SRGN: variants seen among roughly 807,000 people sequenced by gnomAD.
The protein encoded by SRGN is hematopoetic proteoglycan core peptide.
Under a neutral mutation model 9.5 loss-of-function variants are expected in SRGN, and 2 were observed. The ratio of observed to expected loss-of-function variants is 0.21; its 90% CI spans 0.09 to 0.66. SRGN has a LOEUF of 0.66. Among genes scored for constraint, SRGN ranks in the 30% least tolerant of loss-of-function variants. SRGN has a pLI of 0.83. For synonymous variants in SRGN, 59 were observed against 72.3 expected (o/e 0.82, Z 0.93); for missense variants, 170 against 192.4 (o/e 0.88, Z 0.69).
chr10:69,104,148 G>T lies in SRGN; in HGVS notation c.*28G>T, dbSNP rs1840350697. ...GAGGATTTTCCCACCTTGACACCAG[G>T]CAATGTAGTTAGCATATTTTATGTA... On this transcript the variant is annotated 3_prime_UTR_variant, in exon 3 of 3. Transcript: ENST00000242465. 1 of 1,606,014 alleles carries T rather than the reference G, an allele frequency of 6.2e-7. No individual in the cohort carries two copies.
chr10:69,090,979 G>T (rs947979366), intron 1 of SRGN, among the ~76,000 whole-genome samples: 1 of 152,092 alleles, frequency 6.6e-6, no homozygotes, highest in Non-Finnish European at 1.5e-5. Context: ...GGCCAGGCCC[G>T]CCATGTGTCC....
At chr10:69,103,722 A>T (rs967843681) in intron 2 of SRGN, 149 bp from the exon 3 acceptor site, 1 of 896,856 alleles carries the variant, frequency 1.1e-6, no homozygotes, top group Non-Finnish European at 1.6e-6. Flanking sequence ...TGATTTTAAA[A>T]CATTGAATAA....
intron 2 of SRGN, among the ~76,000 whole-genome samples, chr10:69,101,200 A>C (rs775467606): frequency 2.0e-5 from 3 of 151,890 alleles, no homozygotes; most frequent in African/African-American, 7.3e-5. Flanking sequence ...TCTGACCCCA[A>C]ATGATCTGCC....
At chr10:69,102,610 T>A (rs1840316662) in intron 2 of SRGN, among the ~76,000 whole-genome samples, 1 of 152,312 alleles carries the variant, frequency 6.6e-6, no homozygotes, top group Admixed American at 6.5e-5. Flanking sequence ...TCTCTGATGC[T>A]TTGTTGCCCT....
chr10:69,097,476 G>C (rs1266782066), intron 2 of SRGN, among the ~76,000 whole-genome samples: 1 of 145,158 alleles, frequency 6.9e-6, no homozygotes, highest in Non-Finnish European at 1.5e-5. Context: ...GCTCAGGCTG[G>C]AGTGCAGTGG....
At position 69,098,164 on chromosome 10, in the gene SRGN, C is replaced by A. The variant is rs368024092; in HGVS notation, c.227+933C>A. 5.3e-5 allele frequency among the ~76,000 whole-genome samples: 8 copies of A among 151,976 alleles called. No individual in the cohort carries two copies. In the East Asian group the frequency reaches 1.5e-3, roughly 29 times the overall value. The stretch of plus-strand genomic sequence containing the variant: ...GTTTTATTTGTGTAAACAGAACACA[C>A]TATATATAAAAATCCAATAATTAAC... On this transcript the variant is annotated intron_variant, in intron 2 of 2. Coordinates refer to ENST00000242465, the MANE Select transcript of SRGN (RefSeq NM_002727.4).
chr10:69,093,615 C>T (rs1445535284), intron 1 of SRGN, among the ~76,000 whole-genome samples: 1 of 152,150 alleles, frequency 6.6e-6, no homozygotes, highest in African/African-American at 2.4e-5. Context: ...CGGTGGCTCA[C>T]GCCTATAATC....
upstream of SRGN, among the ~76,000 whole-genome samples, chr10:69,087,919 G>T (rs146952463): frequency 1.5e-4 from 23 of 152,120 alleles, no homozygotes; most frequent in African/African-American, 5.3e-4. Context: ...AAGCAGGCCT[G>T]GGGGGAGTCC....
chr10:69,104,161 C>T lies in SRGN; in HGVS notation c.*41C>T, dbSNP rs2132163099. The T allele has an allele frequency of 6.3e-7, 1 of 1,596,014 alleles. No individual in the cohort carries two copies. The highest frequency in any genetic ancestry group is 8.6e-7 in the Non-Finnish European group (1 of 1,167,600). On this transcript the variant is annotated 3_prime_UTR_variant, in exon 3 of 3. Transcript: ENST00000242465. ...CCTTGACACCAGGCAATGTAGTTAGCATATTTTATGTACCATGGTTATATG... is the reference window on the plus strand; with the variant it reads ...CCTTGACACCAGGCAATGTAGTTAGTATATTTTATGTACCATGGTTATATG...
At position 69,104,089 on chromosome 10, in the gene SRGN, A is replaced by G; in HGVS notation, c.446A>G (p.Gln149Arg). Residue 149 changes from glutamine to arginine, a missense_variant, in exon 3 of 3, where the codon CAA (glutamine) becomes CGA (arginine). Physicochemically the swap from Gln to Arg is conservative, Grantham distance 43 (BLOSUM62 1). Transcript: ENST00000242465. The part of the protein sequence containing the change: ...NLPSDSQDLG[Q>R]HGLEEDFML Reference sequence around the variant, plus strand: ...CCCTCAGACAGCCAGGACTTGGGTCAACATGGATTAGAAGAGGATTTTATG... The same window carrying G: ...CCCTCAGACAGCCAGGACTTGGGTCGACATGGATTAGAAGAGGATTTTATG... 1 of 1,614,248 alleles carries G rather than the reference A, an allele frequency of 6.2e-7. No individual in the cohort carries two copies. Among genetic ancestry groups the G allele is most frequent in the Non-Finnish European group, 8.5e-7 (1 of 1,180,042 alleles).
chr10:69,094,398 GTT>G (rs967432981), intron 1 of SRGN, among the ~76,000 whole-genome samples: 12 of 152,064 alleles, frequency 7.9e-5, no homozygotes, highest in Non-Finnish European at 1.6e-4. Context: ...TAATGTTTAT[GTT>G]TTTAGAGGAA....
chr10:69,103,512 C>T (rs1415595911), intron 2 of SRGN, among the ~76,000 whole-genome samples: 2 of 152,094 alleles, frequency 1.3e-5, no homozygotes, highest in African/African-American at 4.8e-5. Flanking sequence ...CACTGCACTC[C>T]AGCCTGGGCA....
At chr10:69,095,133 C>T (rs1206577205) in intron 1 of SRGN, among the ~76,000 whole-genome samples, 4 of 151,364 alleles carry the variant, frequency 2.6e-5, no homozygotes, top group African/African-American at 9.7e-5. Context: ...CATGGTGAAA[C>T]CCCATCCCTA....
At chr10:69,091,894 AAAAAAAAAAAAAAAGAAAAAG>A (rs1840065430) in intron 1 of SRGN, among the ~76,000 whole-genome samples, 1 of 101,086 alleles carries the variant, frequency 9.9e-6, no homozygotes, top group Non-Finnish European at 2.5e-5. Flanking sequence ...AAAAAAAAAA[AAAAAAAAAAAAAAAGAAAAAG>A]AAAAGAAAAG....
At chr10:69,099,543 A>G (rs1003732168) in intron 2 of SRGN, among the ~76,000 whole-genome samples, 2 of 151,910 alleles carry the variant, frequency 1.3e-5, no homozygotes, top group Non-Finnish European at 2.9e-5. Context: ...AAACTCAAGC[A>G]GTCCTCCCAC....
At chr10:69,095,105 C>T (rs1051108003) in intron 1 of SRGN, among the ~76,000 whole-genome samples, 12 of 150,766 alleles carry the variant, frequency 8.0e-5, no homozygotes, top group African/African-American at 2.2e-4. Flanking sequence ...GTCAGGAGTT[C>T]GAGACCAGCC....
Position 69,097,248 on chromosome 10 carries a change from CTAAT to C in SRGN, c.227+32_227+35del, listed in dbSNP as rs749111823. On this transcript the variant is annotated intron_variant, in intron 2 of 2. Coordinates refer to ENST00000242465, the MANE Select transcript of SRGN (RefSeq NM_002727.4). The stretch of plus-strand genomic sequence containing the variant: ...CCTTTTTCCGTAAGTGGACTTTTCT[CTAAT>C]TAATTAATTAATTACTTATTTATTT... 1.8e-5 allele frequency: 29 copies of C among 1,591,856 alleles called. No homozygotes were observed. The highest frequency in any genetic ancestry group is 4.5e-5 in the South Asian group (4 of 89,544).
intron 1 of SRGN, among the ~76,000 whole-genome samples, chr10:69,095,957 C>A (rs747860538): frequency 2.0e-5 from 3 of 151,284 alleles, no homozygotes; most frequent in Non-Finnish European, 4.4e-5. Context: ...TCCTATATAA[C>A]CTCATAATAT....
In SRGN at chr10:69,103,920, T is replaced by G; in HGVS notation, c.277T>G (p.Tyr93Asp). 1.2e-6 allele frequency: 2 copies of G among 1,614,228 alleles called. No individual in the cohort carries two copies. Among genetic ancestry groups the G allele is most frequent in the South Asian group, 2.2e-5 (2 of 91,088 alleles). The stretch of plus-strand genomic sequence containing the variant: ...TCGTATCTTCCCACTTTCTGAGGAC[T>G]ACTCTGGATCAGGCTTCGGCTCCGG... The part of the protein sequence containing the change: ...LNRIFPLSED[Y>D]SGSGFGSGSG... Residue 93 changes from tyrosine (Y) to aspartate (D), a missense_variant, in exon 3 of 3, where the codon TAC becomes GAC. Physicochemically the swap from Tyr to Asp is radical, Grantham distance 160. Coordinates refer to ENST00000242465, the MANE Select transcript of SRGN (RefSeq NM_002727.4).
Sources: allele counts gnomAD v4.1 joint callset (sites outside exome capture counted in the v4.1 genomes callset), GRCh38; gene constraint gnomAD v4.1.1; transcripts MANE v1.5; gene names NCBI Gene and HGNC (gene_info 2026-07-23, HGNC 2026-07-21).